KCTD16: variants seen among roughly 807,000 people sequenced by gnomAD.
KCTD16 encodes potassium channel tetramerization domain containing 16.
KCTD16 carries 13 observed loss-of-function variants against 33.2 expected under a neutral mutation model. The observed-to-expected ratio is 0.39, with a 90% confidence interval of 0.25 to 0.62. The LOEUF is 0.62. Ranked by LOEUF, KCTD16 falls within the 20% of genes least tolerant of loss-of-function variation. The probability of loss-of-function intolerance (pLI) is 0.50; values close to 1 mark genes in which losing one functional copy is unlikely to be tolerated. For synonymous variants in KCTD16, 197 were observed against 195.3 expected, an observed-to-expected ratio of 1.01 and a Z score of -0.07; for missense variants, 441 against 525.1, an observed-to-expected ratio of 0.84 and a Z score of 1.57.
chr5:144,381,978 G>A (rs943526090), intron 3 of KCTD16, among the ~76,000 whole-genome samples: 1 of 151,726 alleles, frequency 6.6e-6, no homozygotes, highest in African/African-American at 2.4e-5. Flanking sequence ...ATCAACCTAG[G>A]TTCCCATCAA....
intron 3 of KCTD16, among the ~76,000 whole-genome samples, chr5:144,300,351 CTT>C (rs1268027686): frequency 6.6e-6 from 1 of 152,176 alleles, no homozygotes; most frequent in African/African-American, 2.4e-5. Context: ...CTCTATATCT[CTT>C]CTCCCGAATT....
chr5:144,183,376 A>C (rs1372850965), intron 2 of KCTD16, among the ~76,000 whole-genome samples: 1 of 152,222 alleles, frequency 6.6e-6, no homozygotes, highest in Non-Finnish European at 1.5e-5. Context: ...ATGATGCACA[A>C]CATTTGCTGT....
chr5:144,185,209 C>G (rs2126776281), intron 2 of KCTD16, among the ~76,000 whole-genome samples: 1 of 152,280 alleles, frequency 6.6e-6, no homozygotes, highest in East Asian at 1.9e-4. Flanking sequence ...GATTTAGAGT[C>G]TATGCACTTA....
At chr5:144,246,311 A>G (rs1754548186) in intron 3 of KCTD16, among the ~76,000 whole-genome samples, 1 of 152,196 alleles carries the variant, frequency 6.6e-6, no homozygotes, top group Non-Finnish European at 1.5e-5. Context: ...AACATTAAAA[A>G]ATTATCAGGC....
At chr5:144,271,563 GAA>G (rs1310494358) in intron 3 of KCTD16, among the ~76,000 whole-genome samples, 2 of 152,108 alleles carry the variant, frequency 1.3e-5, no homozygotes, top group Non-Finnish European at 2.9e-5. Context: ...CTGTAAGACT[GAA>G]AGCTTTTTCT....
At chr5:144,433,374 C>T (rs1753507342) in intron 3 of KCTD16, among the ~76,000 whole-genome samples, 2 of 152,076 alleles carry the variant, frequency 1.3e-5, no homozygotes, top group African/African-American at 2.4e-5. Flanking sequence ...GACTTAGAGG[C>T]CCAGCCGTTA....
rs1755848198 is a variant in KCTD16, at chr5:144,289,932, T to A, written c.832+82386T>A. Reference sequence around the variant, plus strand: ...CAATTTAAACAAATCTAAGTGGATTTGTTAATAAACATTTATTAATAAACA... The same window carrying A: ...CAATTTAAACAAATCTAAGTGGATTAGTTAATAAACATTTATTAATAAACA... On this transcript the variant is annotated intron_variant, in intron 3 of 3. Coordinates refer to ENST00000512467, the MANE Select transcript of KCTD16 (RefSeq NM_020768.4). Among the ~76,000 whole-genome samples the A allele has an allele frequency of 2.0e-5, 3 of 152,172 alleles. No homozygotes were observed. The South Asian group carries it at 6.2e-4, about 32-fold the overall frequency.
At chr5:144,410,713 T>C (rs1462059961) in intron 3 of KCTD16, among the ~76,000 whole-genome samples, 1 of 152,208 alleles carries the variant, frequency 6.6e-6, no homozygotes, top group Non-Finnish European at 1.5e-5. Context: ...GGTTGAATGA[T>C]AGGCAATATA....
At chr5:144,288,913 G>T (rs1444719963) in intron 3 of KCTD16, among the ~76,000 whole-genome samples, 4 of 152,216 alleles carry the variant, frequency 2.6e-5, no homozygotes, top group African/African-American at 9.7e-5. Context: ...ACACTTGGGA[G>T]GCTGAGGCAG....
chr5:144,441,639 G>A (rs981596496), intron 3 of KCTD16, among the ~76,000 whole-genome samples: 3 of 151,936 alleles, frequency 2.0e-5, no homozygotes, highest in Non-Finnish European at 4.4e-5. Flanking sequence ...ATAGATATAA[G>A]GTTTTACTTC....
intron 3 of KCTD16, among the ~76,000 whole-genome samples, chr5:144,220,741 A>G (rs1753721066): frequency 6.6e-6 from 1 of 152,126 alleles, no homozygotes; most frequent in Non-Finnish European, 1.5e-5. Flanking sequence ...GGAGATCGAG[A>G]CCATCCTGGC....
intron 3 of KCTD16, among the ~76,000 whole-genome samples, chr5:144,360,765 T>C (rs552825975): frequency 2.2e-4 from 33 of 152,126 alleles, no homozygotes; most frequent in Non-Finnish European, 3.7e-4. Flanking sequence ...TAGTATTCCA[T>C]GGTATATATG....
At chr5:144,235,491 C>T (rs1580809919) in intron 3 of KCTD16, among the ~76,000 whole-genome samples, 1 of 152,066 alleles carries the variant, frequency 6.6e-6, no homozygotes, top group Non-Finnish European at 1.5e-5. Flanking sequence ...ACCTTGTGCA[C>T]ACAAGTTACT....
At chr5:144,369,428 C>T (rs774141685) in intron 3 of KCTD16, 8 of 152,060 alleles carry the variant, frequency 5.3e-5, no homozygotes, top group Non-Finnish European at 1.2e-4. Context: ...TGAAGTAGGG[C>T]GGCTCTCTGA....
intron 3 of KCTD16, among the ~76,000 whole-genome samples, chr5:144,218,169 AT>A (rs1278102839): frequency 6.6e-6 from 1 of 152,212 alleles, no homozygotes; most frequent in Non-Finnish European, 1.5e-5. Flanking sequence ...GAACAGAAGC[AT>A]ATGGTCATTG....
chr5:144,392,832 G>A (rs1053595819), intron 3 of KCTD16, among the ~76,000 whole-genome samples: 18 of 152,144 alleles, frequency 1.2e-4, no homozygotes, highest in African/African-American at 2.4e-4. Context: ...ACATGCGCAC[G>A]TGAAGCCTCC....
intron 3 of KCTD16, among the ~76,000 whole-genome samples, chr5:144,230,934 T>C (rs1754083268): frequency 6.6e-6 from 1 of 152,152 alleles, no homozygotes; most frequent in African/African-American, 2.4e-5. Context: ...AGGCAGAGCA[T>C]AGCCTGTTCT....
chr5:144,313,555 G>C (rs552142414), intron 3 of KCTD16, among the ~76,000 whole-genome samples: 1 of 152,284 alleles, frequency 6.6e-6, no homozygotes, highest in East Asian at 1.9e-4. Flanking sequence ...TTAAAACTGT[G>C]AGAACAGAGC....
At chr5:144,302,401 G>A (rs1751465742) in intron 3 of KCTD16, among the ~76,000 whole-genome samples, 1 of 152,104 alleles carries the variant, frequency 6.6e-6, no homozygotes, top group Non-Finnish European at 1.5e-5. Flanking sequence ...AAATATGAAA[G>A]ACAAAAACAA....
Sources: gnomAD v4.1 joint callset for allele counts (sites outside exome capture counted in the v4.1 genomes callset) on GRCh38, gnomAD v4.1.1 for gene constraint, MANE v1.5 for transcripts, NCBI Gene and HGNC (gene_info 2026-07-23, HGNC 2026-07-21) for gene names.